SEMA3A: variants seen among roughly 807,000 people sequenced by gnomAD.
The protein encoded by SEMA3A is semaphorin-3A.
SEMA3A carries 29 observed loss-of-function variants against 97.9 expected under a neutral mutation model. That is an observed-to-expected ratio of 0.30 (90% CI 0.22 to 0.40). The LOEUF (loss-of-function observed/expected upper bound fraction) is 0.40. SEMA3A is among the 10% of genes least tolerant of loss of function. SEMA3A has a pLI of 1.00. For synonymous variants in SEMA3A, 321 were observed against 323.7 expected, an observed-to-expected ratio of 0.99 and a Z score of 0.09; for missense variants, 763 against 951.3, an observed-to-expected ratio of 0.80 and a Z score of 2.60.
chr7:84,143,920 A>ATCTCTCTC (rs142920312), intron 1 of SEMA3A, among the ~76,000 whole-genome samples: 10 of 128,716 alleles, frequency 7.8e-5, no homozygotes, highest in African/African-American at 3.0e-4. Context: ...TACTGTCCTA[A>ATCTCTCTC]TCTCTCTCTC....
chr7:83,993,222 AG>A (rs1790040731), intron 12 of SEMA3A, among the ~76,000 whole-genome samples: 1 of 95,570 alleles, frequency 1.0e-5, no homozygotes. Context: ...TCTGCACGTG[AG>A]ATGGGTGTCC....
chr7:84,028,146 T>C (rs1254006222), intron 6 of SEMA3A, among the ~76,000 whole-genome samples: 1 of 152,210 alleles, frequency 6.6e-6, no homozygotes, highest in African/African-American at 2.4e-5. Context: ...TACATTGCAG[T>C]AAATTGTAAA....
intron 1 of SEMA3A, among the ~76,000 whole-genome samples, chr7:84,484,044 C>CA (rs903051833): frequency 2.4e-5 from 3 of 125,478 alleles, no homozygotes; most frequent in East Asian, 2.2e-4. Context: ...AACTCTGTCT[C>CA]AAAAAAAAGA....
rs1798156433 is a variant in SEMA3A, at chr7:84,194,503, A to G, written c.84T>C (p.Asn28=). 6 of 1,611,668 alleles carry G rather than the reference A, an allele frequency of 3.7e-6. No homozygotes were observed. Among genetic ancestry groups the G allele is most frequent in the Non-Finnish European group, 5.1e-6 (6 of 1,177,884 alleles). The change falls in exon 1 of 17, where the codon AAT becomes AAC. Residue 28 remains asparagine (N), a synonymous_variant. Transcript: ENST00000265362. The part of the protein sequence containing the change: ...ARANYQNGKN[N]VPRLKLSYKE... The stretch of plus-strand genomic sequence containing the variant: ...TGTAGGATAATTTCAGCCTTGGCAC[A>G]TTGTTCTTCCCATTCTGATAGTTTG...
intron 9 of SEMA3A, among the ~76,000 whole-genome samples, chr7:84,010,011 G>C (rs1790817005): frequency 7.0e-6 from 1 of 142,770 alleles, no homozygotes; most frequent in African/African-American, 2.6e-5. Flanking sequence ...TTTTTATTAT[G>C]TCTTTTTATG....
intron 1 of SEMA3A, among the ~76,000 whole-genome samples, chr7:84,430,773 C>A (rs1804957634): frequency 6.7e-6 from 1 of 148,624 alleles, no homozygotes. Flanking sequence ...TCTTCTATAC[C>A]TACACAACAT....
intron 1 of SEMA3A, among the ~76,000 whole-genome samples, chr7:84,406,857 C>T (rs893871735): frequency 3.3e-5 from 5 of 152,120 alleles, no homozygotes; most frequent in Non-Finnish European, 5.9e-5. Context: ...AACAATACTT[C>T]GTGATAAAAA....
intron 5 of SEMA3A, among the ~76,000 whole-genome samples, chr7:84,057,456 G>T (rs910905690): frequency 6.6e-6 from 1 of 152,066 alleles, no homozygotes; most frequent in Admixed American, 6.6e-5. Context: ...TTTGCAGGTG[G>T]ATGAAATAAG....
intron 2 of SEMA3A, among the ~76,000 whole-genome samples, chr7:84,330,548 G>C (rs1295799650): frequency 3.3e-5 from 5 of 152,006 alleles, no homozygotes; most frequent in Non-Finnish European, 7.4e-5. Context: ...CATAAAGTAG[G>C]AAGGCACATG....
chr7:84,020,940 G>T (rs1004346549), intron 6 of SEMA3A, among the ~76,000 whole-genome samples: 1 of 152,102 alleles, frequency 6.6e-6, no homozygotes, highest in Admixed American at 6.5e-5. Context: ...TCATAGATTT[G>T]AGAAATTAAC....
At chr7:84,484,506 C>T (rs1436592212) in intron 1 of SEMA3A, among the ~76,000 whole-genome samples, 3 of 151,514 alleles carry the variant, frequency 2.0e-5, no homozygotes, top group African/African-American at 4.8e-5. Flanking sequence ...GTCAAGTAGA[C>T]GGTTTTACTT....
chr7:84,451,359 A>T (rs938306129), intron 1 of SEMA3A, among the ~76,000 whole-genome samples: 1 of 152,192 alleles, frequency 6.6e-6, no homozygotes, highest in Non-Finnish European at 1.5e-5. Context: ...ATTCAAGGTC[A>T]TAGGGAAAAG....
At chr7:84,102,624 C>G (rs1794992798) in intron 4 of SEMA3A, among the ~76,000 whole-genome samples, 1 of 130,838 alleles carries the variant, frequency 7.6e-6, no homozygotes, top group Non-Finnish European at 1.6e-5. Flanking sequence ...CAGAGTCTCA[C>G]TCTTGTTGCC....
At chr7:84,470,767 T>C (rs956380006) in intron 1 of SEMA3A, among the ~76,000 whole-genome samples, 5 of 152,022 alleles carry the variant, frequency 3.3e-5, no homozygotes, top group African/African-American at 4.8e-5. Flanking sequence ...AAGAATACTC[T>C]AAAAGAATAA....
At chr7:84,352,241 G>A (rs1802455455) in intron 2 of SEMA3A, among the ~76,000 whole-genome samples, 1 of 151,998 alleles carries the variant, frequency 6.6e-6, no homozygotes, top group South Asian at 2.1e-4. Flanking sequence ...AAGGTTAGTG[G>A]AAAGTGGGAG....
chr7:84,322,868 T>G (rs1801683396), intron 2 of SEMA3A, among the ~76,000 whole-genome samples: 1 of 152,174 alleles, frequency 6.6e-6, no homozygotes, highest in Non-Finnish European at 1.5e-5. Context: ...ACTTTGCATT[T>G]GAGAAGAGGG....
intron 6 of SEMA3A, among the ~76,000 whole-genome samples, chr7:84,017,323 T>A (rs1791144276): frequency 1.3e-5 from 2 of 152,198 alleles, no homozygotes; most frequent in African/African-American, 4.8e-5. Context: ...TATTCATTGC[T>A]GAAAGGACCT....
intron 3 of SEMA3A, among the ~76,000 whole-genome samples, chr7:84,115,507 T>G (rs2115961547): frequency 6.6e-6 from 1 of 152,264 alleles, no homozygotes; most frequent in Non-Finnish European, 1.5e-5. Context: ...TGTGATTTTC[T>G]TTTATTTAAA....
chr7:84,441,077 G>T (rs1221359922), intron 1 of SEMA3A, among the ~76,000 whole-genome samples: 1 of 152,050 alleles, frequency 6.6e-6, no homozygotes, highest in Non-Finnish European at 1.5e-5. Flanking sequence ...AGAATCACTT[G>T]AACCCGGGAG....
Sources: gnomAD v4.1 joint callset for allele counts (sites outside exome capture counted in the v4.1 genomes callset) on GRCh38, gnomAD v4.1.1 for gene constraint, MANE v1.5 for transcripts, NCBI Gene and HGNC (gene_info 2026-07-23, HGNC 2026-07-21) for gene names.